The following NETO1 variants were observed in gnomAD, a reference collection of about 807,000 sequenced individuals.
The protein encoded by NETO1 is neuropilin and tolloid-like protein 1.
A neutral mutation model predicts 61.3 loss-of-function variants in NETO1; 26 were observed. The observed-to-expected ratio is 0.42, with a 90% CI of 0.31 to 0.59. The LOEUF (loss-of-function observed/expected upper bound fraction) is 0.59, where lower values mean the gene tolerates loss of function less well. Ranked by LOEUF, NETO1 falls within the 20% of genes least tolerant of loss-of-function variation. The pLI is 0.12. For synonymous variants in NETO1, 225 were observed against 225.8 expected (o/e 1.00, Z 0.03); for missense variants, 531 against 662.8 (o/e 0.80, Z 2.18).
At chr18:72,837,790 A>G (rs2073799511) in intron 4 of NETO1, among the ~76,000 whole-genome samples, 1 of 152,172 alleles carries the variant, frequency 6.6e-6, no homozygotes, top group Non-Finnish European at 1.5e-5. Flanking sequence ...TCAGTTCTTA[A>G]AAAACAAACA....
At position 72,748,095 on chromosome 18, in the gene NETO1, T is replaced by A; in HGVS notation, c.*84A>T. ...AGGCAGTGGAATGAATTTAGAAATA[T>A]GTCCACTTTTCACAATTCACTATAG... On this transcript the variant is annotated 3_prime_UTR_variant, in exon 11 of 11. Transcript: ENST00000327305. 1.1e-6 allele frequency: 1 copy of A among 946,886 alleles called. No homozygotes were observed. 58.7% of individuals were successfully genotyped at this position (946,886 alleles called of 1,614,324 possible). A position where few individuals can be genotyped will look rare whatever the true frequency, so the allele number is the denominator to read the frequency against.
intron 3 of NETO1, among the ~76,000 whole-genome samples, chr18:72,864,288 C>A (rs573901281): frequency 1.3e-5 from 2 of 152,282 alleles, no homozygotes; most frequent in Admixed American, 6.5e-5. Context: ...AATTTACAAT[C>A]CTGACCTTGA....
At chr18:72,846,479 T>A (rs2074088427) in intron 4 of NETO1, among the ~76,000 whole-genome samples, 1 of 108,364 alleles carries the variant, frequency 9.2e-6, no homozygotes. Flanking sequence ...CACTCCAGCC[T>A]GGGCAATGGA....
rs2070451359 is a variant in NETO1, at chr18:72,747,274, AG to A, written c.*904del. ...TATATTTATATAAAAAGTCGTAAGT[AG>A]CAAGCATATGACATAAAGAAATGGA... On this transcript the variant is annotated 3_prime_UTR_variant, in exon 11 of 11. Transcript: ENST00000327305. 6.6e-6 allele frequency: 1 copy of A among 152,042 alleles called. No individual in the cohort carries two copies. Among genetic ancestry groups the A allele is most frequent in the Non-Finnish European group, 1.5e-5 (1 of 67,960 alleles). 9.4% of individuals were successfully genotyped at this position (152,042 alleles called of 1,614,324 possible).
rs142978541 is a variant in NETO1, at chr18:72,796,855, T to C, written c.470-2451A>G. On this transcript the variant is annotated intron_variant, in intron 4 of 10. Coordinates refer to ENST00000327305, the MANE Select transcript of NETO1 (RefSeq NM_138966.5). ...AAAAATAGGGACATCATAGATCATT[T>C]GGAACAAGATGCTTCCTAGTAGAAA... Among the ~76,000 whole-genome samples the C allele has an allele frequency of 1.6e-3, 250 of 152,346 alleles. 1 individual carries two copies. Among genetic ancestry groups the C allele is most frequent in the African/African-American group, 4.9e-3 (202 of 41,584 alleles).
intron 4 of NETO1, among the ~76,000 whole-genome samples, chr18:72,829,140 AAC>A (rs2073489289): frequency 6.6e-6 from 1 of 152,192 alleles, no homozygotes; most frequent in African/African-American, 2.4e-5. Context: ...GAAATTGAAA[AAC>A]ACAATCATTA....
chr18:72,821,700 T>C (rs1414249659), intron 4 of NETO1, among the ~76,000 whole-genome samples: 1 of 152,098 alleles, frequency 6.6e-6, no homozygotes, highest in Non-Finnish European at 1.5e-5. Context: ...GGCTATCATC[T>C]CAATTTTTAG....
intron 4 of NETO1, among the ~76,000 whole-genome samples, chr18:72,818,332 A>G (rs970144503): frequency 6.6e-6 from 1 of 152,184 alleles, no homozygotes; most frequent in African/African-American, 2.4e-5. Flanking sequence ...TCAAGATATT[A>G]AGAAAAATAT....
At chr18:72,849,553 C>G (rs775311135) in intron 4 of NETO1, among the ~76,000 whole-genome samples, 2 of 152,194 alleles carry the variant, frequency 1.3e-5, no homozygotes, top group Non-Finnish European at 2.9e-5. Flanking sequence ...TCTCAAAATT[C>G]TTCCAGCTTT....
rs2074779836 is a variant in NETO1, at chr18:72,867,550, C to CACCCGGG, written c.-260_-259insCCCGGGT. 2.8e-6 allele frequency: 1 copy of CACCCGGG among 361,536 alleles called. No homozygotes were observed. Among genetic ancestry groups the CACCCGGG allele is most frequent in the African/African-American group, 2.1e-5 (1 of 46,916 alleles). The allele number at this position is 361,536 out of a possible 1,614,324, so 22.4% of individuals were successfully genotyped here. On this transcript the variant is annotated 5_prime_UTR_variant, in exon 1 of 11. An upstream open reading frame in the 5' UTR gains an earlier in-frame stop. Transcript: ENST00000327305. ...TCAGCGCCGCGCAGCCAGCAGCATC[C>CACCCGGG]CCACCGTGACGCTCGCATCACACCC...
rs2074773722 is a variant in NETO1, at chr18:72,867,377, C to G, written c.-86G>C. 3 of 1,117,576 alleles carry G rather than the reference C, an allele frequency of 2.7e-6. No homozygotes were observed. The South Asian group carries it at 5.3e-5, about 20-fold the overall frequency. 69.2% of individuals were successfully genotyped at this position (1,117,576 alleles called of 1,614,324 possible). A position where few individuals can be genotyped will look rare whatever the true frequency, so the allele number is the denominator to read the frequency against. ...TCCAGTGGCGGGGGGAGGACAGGGT[C>G]GAGAGGTGTTAAAGACGCAAAGCAA... On this transcript the variant is annotated 5_prime_UTR_variant, in exon 1 of 11. Transcript: ENST00000327305.
intron 4 of NETO1, among the ~76,000 whole-genome samples, chr18:72,817,991 G>C (rs2073079036): frequency 6.6e-6 from 1 of 152,152 alleles, no homozygotes; most frequent in African/African-American, 2.4e-5. Flanking sequence ...CCTCATGCAG[G>C]TGAGCCTTGA....
At chr18:72,853,113 G>A (rs1044250619) in intron 4 of NETO1, among the ~76,000 whole-genome samples, 3 of 152,080 alleles carry the variant, frequency 2.0e-5, no homozygotes, top group Admixed American at 6.5e-5. Flanking sequence ...GGGATTACAA[G>A]CATGAGTCAC....
At chr18:72,840,068 G>C (rs1328981897) in intron 4 of NETO1, among the ~76,000 whole-genome samples, 1 of 152,170 alleles carries the variant, frequency 6.6e-6, no homozygotes, top group Non-Finnish European at 1.5e-5. Context: ...TAATTCCTTT[G>C]AAAACAGTAT....
intron 4 of NETO1, among the ~76,000 whole-genome samples, chr18:72,826,149 C>T (rs576399619): frequency 6.6e-6 from 1 of 152,140 alleles, no homozygotes; most frequent in East Asian, 1.9e-4. Context: ...GTTTTAAATA[C>T]GTTTTTAATT....
intron 4 of NETO1, among the ~76,000 whole-genome samples, chr18:72,856,351 G>C (rs1225699498): frequency 1.3e-5 from 2 of 152,118 alleles, no homozygotes; most frequent in East Asian, 3.9e-4. Flanking sequence ...GTATAGGTAG[G>C]AATTTTGTGC....
At chr18:72,805,976 C>T (rs2072662559) in intron 4 of NETO1, among the ~76,000 whole-genome samples, 2 of 152,052 alleles carry the variant, frequency 1.3e-5, no homozygotes, top group African/African-American at 4.8e-5. Context: ...TTCATTTGTC[C>T]TACAGAGGAA....
chr18:72,860,915 T>G (rs1336791441), intron 3 of NETO1, among the ~76,000 whole-genome samples: 1 of 152,214 alleles, frequency 6.6e-6, no homozygotes, highest in Non-Finnish European at 1.5e-5. Context: ...TATGTACCAG[T>G]TTATTTCACA....
At chr18:72,759,367 AT>A (rs545385131) in intron 7 of NETO1, among the ~76,000 whole-genome samples, 107 of 152,318 alleles carry the variant, frequency 7.0e-4, no homozygotes, top group African/African-American at 2.4e-3. Flanking sequence ...TTTTAAGAGT[AT>A]ATTTTATCAT....
Sources: gnomAD v4.1 joint callset for allele counts (sites outside exome capture counted in the v4.1 genomes callset) on GRCh38, gnomAD v4.1.1 for gene constraint, MANE v1.5 for transcripts, NCBI Gene and HGNC (gene_info 2026-07-23, HGNC 2026-07-21) for gene names.